SAYSD1: variants seen among roughly 807,000 people sequenced by gnomAD.
SAYSD1 encodes SAYSvFN domain-containing protein 1.
Under a neutral mutation model 14.5 loss-of-function variants are expected in SAYSD1, and 15 were observed. The ratio of observed to expected loss-of-function variants is 1.03; its 90% CI spans 0.69 to 1.59. SAYSD1 has a LOEUF of 1.59. Ranked by LOEUF, SAYSD1 falls within the 40% of genes most tolerant of loss-of-function variation. The probability of loss-of-function intolerance (pLI) is 0.00; values close to 1 mark genes in which losing one functional copy is unlikely to be tolerated. For missense variants in SAYSD1, 247 were observed against 227.3 expected, an observed-to-expected ratio of 1.09 and a Z score of -0.56; for synonymous variants, 105 against 102.6, an observed-to-expected ratio of 1.02 and a Z score of -0.14.
chr6:39,107,100 G>A (rs1230921063), intron 1 of SAYSD1, among the ~76,000 whole-genome samples: 2 of 152,098 alleles, frequency 1.3e-5, no homozygotes, highest in African/African-American at 4.8e-5. Flanking sequence ...CCACTAATGG[G>A]TCACAGTGGT....
At chr6:39,107,113 A>T (rs1203993718) in intron 1 of SAYSD1, among the ~76,000 whole-genome samples, 1 of 152,254 alleles carries the variant, frequency 6.6e-6, no homozygotes, top group East Asian at 1.9e-4. Flanking sequence ...ACAGTGGTCT[A>T]GGAAATTCCA....
chr6:39,110,321 A>G (rs140705983), intron 1 of SAYSD1: 60 of 196,068 alleles, frequency 3.1e-4, no homozygotes, highest in African/African-American at 1.2e-3. Flanking sequence ...TCATCTGTGG[A>G]TGAACACGAC....
chr6:39,114,693 G>T (rs375916798), intron 1 of SAYSD1, among the ~76,000 whole-genome samples, 190 bp downstream of exon 1: 1 of 152,220 alleles, frequency 6.6e-6, no homozygotes, highest in South Asian at 2.1e-4. Flanking sequence ...TCGCGGGCTG[G>T]AAAGAAAATG....
intron 1 of SAYSD1, chr6:39,113,173 G>A (rs1428559076): frequency 1.3e-5 from 2 of 152,100 alleles, no homozygotes; most frequent in Non-Finnish European, 2.9e-5. Flanking sequence ...TGATAGAGAC[G>A]TTCTAAAGTT....
chr6:39,105,591 G>A lies in SAYSD1; in HGVS notation c.393C>T (p.Phe131=), dbSNP rs1426310230. Residue 131 remains phenylalanine (F), a synonymous_variant, in exon 2 of 2, where the codon TTC becomes TTT. Coordinates refer to ENST00000229903, the MANE Select transcript of SAYSD1 (RefSeq NM_018322.3). ...FGLAYFVLSL[F]YWMYVGTRGP... ...CTCGTGTCCCGACGTACATCCAATA[G>A]AACAAGGACAGGACAAAATATGCCA... 1 of 1,613,996 alleles carries A rather than the reference G, an allele frequency of 6.2e-7. No homozygotes were observed. Among genetic ancestry groups the A allele is most frequent in the Non-Finnish European group, 8.5e-7 (1 of 1,180,000 alleles).
chr6:39,112,626 T>C (rs1295107900), intron 1 of SAYSD1: 1 of 152,248 alleles, frequency 6.6e-6, no homozygotes, highest in African/African-American at 2.4e-5. Context: ...GTTTTGGTTT[T>C]ATAAAGTGTA....
chr6:39,111,944 T>C (rs1769633440), intron 1 of SAYSD1: 1 of 152,126 alleles, frequency 6.6e-6, no homozygotes, highest in African/African-American at 2.4e-5. Context: ...AATGCTAATA[T>C]GTTATATGAA....
chr6:39,109,186 C>T (rs1160283006), intron 1 of SAYSD1: 24 of 903,472 alleles, frequency 2.7e-5, no homozygotes, highest in Non-Finnish European at 4.1e-5. Flanking sequence ...TGAGCCAAGG[C>T]CTGGAGGTCA....
rs200873326 is a variant in SAYSD1 at position 39,115,131 on chromosome 6, C to A, written c.-42G>T. On this transcript the variant is annotated 5_prime_UTR_variant, in exon 1 of 2. Coordinates refer to ENST00000229903, the MANE Select transcript of SAYSD1 (RefSeq NM_018322.3). ...CCGTTGGCCGATAAGGGAGCGCGCG[C>A]CCGCAGGCCGCACAGCAGTTGCCTC... The A allele has an allele frequency of 7.7e-6, 12 of 1,563,732 alleles. No individual in the cohort carries two copies. The East Asian group carries it at 2.8e-4, about 36-fold the overall frequency.
chr6:39,109,122 A>T (rs1418856518), intron 1 of SAYSD1, among the ~76,000 whole-genome samples: 1 of 152,188 alleles, frequency 6.6e-6, no homozygotes, highest in Non-Finnish European at 1.5e-5. Context: ...GGTGAGGCAC[A>T]GCTGTGCTTA....
intron 1 of SAYSD1, chr6:39,113,736 G>C (rs1254808019): frequency 3.3e-5 from 5 of 152,222 alleles, no homozygotes; most frequent in African/African-American, 4.8e-5. Flanking sequence ...GAGAGAAAAA[G>C]AATAAGGGAA....
chr6:39,109,678 T>G (rs940746876), intron 1 of SAYSD1: 1 of 1,069,786 alleles, frequency 9.3e-7, no homozygotes, highest in Non-Finnish European at 1.2e-6. Context: ...TTAAAAGGTG[T>G]GGGACTTCCT....
At chr6:39,110,861 T>G (rs1769612727) in intron 1 of SAYSD1, 1 of 152,166 alleles carries the variant, frequency 6.6e-6, no homozygotes, top group South Asian at 2.1e-4. Context: ...TTATGCTATT[T>G]CTGGTGGTCT....
chr6:39,109,211 G>A (rs1769577044), intron 1 of SAYSD1: 1 of 1,082,674 alleles, frequency 9.2e-7, no homozygotes, highest in Non-Finnish European at 1.4e-6. Flanking sequence ...TGGTGGATGG[G>A]TATGGGAAAT....
chr6:39,108,132 T>G (rs1769538425), intron 1 of SAYSD1, among the ~76,000 whole-genome samples: 1 of 152,116 alleles, frequency 6.6e-6, no homozygotes, highest in Admixed American at 6.6e-5. Flanking sequence ...TAAACTAAAT[T>G]TATCATTTAG....
intron 1 of SAYSD1, 24 bp from the exon 2 acceptor site, chr6:39,105,800 G>C (rs778145520): frequency 1.2e-5 from 20 of 1,601,018 alleles, no homozygotes; most frequent in Non-Finnish European, 5.1e-6. Flanking sequence ...ACAAACAAAA[G>C]AAAGAATAAA....
chr6:39,115,107 C>T lies in SAYSD1; in HGVS notation c.-18G>A. The T allele has an allele frequency of 6.3e-7, 1 of 1,594,042 alleles. No homozygotes were observed. The highest frequency in any genetic ancestry group is 8.5e-7 in the Non-Finnish European group (1 of 1,174,562). ...TGTTCCATGGCGCGCGCCTCGCGTC[C>T]GTTGGCCGATAAGGGAGCGCGCGCC... On this transcript the variant is annotated 5_prime_UTR_variant, in exon 1 of 2. Coordinates refer to ENST00000229903, the MANE Select transcript of SAYSD1 (RefSeq NM_018322.3).
At chr6:39,109,195 C>A in intron 1 of SAYSD1, 1 of 958,934 alleles carries the variant, frequency 1.0e-6, no homozygotes, top group South Asian at 1.4e-5. Flanking sequence ...GCCTGGAGGT[C>A]AGGAGTGGTG....
At chr6:39,111,577 T>C (rs915921526) in intron 1 of SAYSD1, 7 of 152,146 alleles carry the variant, frequency 4.6e-5, no homozygotes, top group Non-Finnish European at 1.0e-4. Context: ...AGCAAACTCA[T>C]TTAGAGATGA....
Sources: gnomAD v4.1 joint callset for allele counts (sites outside exome capture counted in the v4.1 genomes callset) on GRCh38, gnomAD v4.1.1 for gene constraint, MANE v1.5 for transcripts, NCBI Gene and HGNC (gene_info 2026-07-23, HGNC 2026-07-21) for gene names.